Variants in ABLIM1 observed in about 807,000 individuals in gnomAD.
ABLIM1 encodes the protein actin-binding LIM protein 1.
A neutral mutation model predicts 107.0 loss-of-function variants in ABLIM1; 40 were observed. The ratio of observed to expected loss-of-function variants is 0.37; its 90% CI spans 0.29 to 0.49. The LOEUF (loss-of-function observed/expected upper bound fraction) is 0.49. Among genes scored for constraint, ABLIM1 ranks in the 20% least tolerant of loss-of-function variants. The pLI, the probability that ABLIM1 is intolerant of heterozygous loss-of-function variation, is 0.97. For synonymous variants in ABLIM1, 357 were observed against 357.3 expected, an observed-to-expected ratio of 1.00 and a Z score of 0.01; for missense variants, 857 against 1,008.5, an observed-to-expected ratio of 0.85 and a Z score of 2.04.
At chr10:114,438,065 G>C (rs1589645123) in intron 21 of ABLIM1, 141 bp from the exon 22 acceptor site, 1 of 754,294 alleles carries the variant, frequency 1.3e-6, no homozygotes, top group East Asian at 2.7e-5. Context: ...TCTTCCTTCT[G>C]CAAGGCCAGT....
intron 1 of ABLIM1, among the ~76,000 whole-genome samples, chr10:114,640,868 G>A (rs1018133525): frequency 3.3e-5 from 5 of 152,136 alleles, no homozygotes; most frequent in African/African-American, 1.2e-4. Flanking sequence ...TACCACTAAT[G>A]GCACTTTCTC....
intron 1 of ABLIM1, among the ~76,000 whole-genome samples, chr10:114,733,855 T>C (rs1465037362): frequency 1.3e-5 from 2 of 152,112 alleles, no homozygotes; most frequent in Non-Finnish European, 2.9e-5. Context: ...TTTATTTTTT[T>C]TTAATTATTA....
intron 2 of ABLIM1, among the ~76,000 whole-genome samples, chr10:114,581,442 A>G (rs924164342): frequency 7.2e-5 from 11 of 152,228 alleles, no homozygotes; most frequent in African/African-American, 2.4e-4. Context: ...AGAATGGGTC[A>G]TACCTAAAAC....
At chr10:114,616,408 C>T (rs1256199475) in intron 1 of ABLIM1, among the ~76,000 whole-genome samples, 1 of 152,206 alleles carries the variant, frequency 6.6e-6, no homozygotes, top group East Asian at 1.9e-4. Context: ...CATTAGCCAC[C>T]TCATTTCATT....
At chr10:114,539,599 AC>A (rs2066417263) in intron 6 of ABLIM1, among the ~76,000 whole-genome samples, 1 of 152,162 alleles carries the variant, frequency 6.6e-6, no homozygotes, top group Admixed American at 6.5e-5. Context: ...ACTTGATTAC[AC>A]CCACCATGAG....
chr10:114,571,271 C>T lies in ABLIM1; in HGVS notation c.673+26G>A, dbSNP rs3824819. ...TACCTCTGGACTACATAGGTATTCA[C>T]GTCAGTGGGTCACCGGGGCACTTAC... On this transcript the variant is annotated intron_variant, in intron 4 of 22. Transcript: ENST00000533213. 3,354 of 1,607,052 alleles carry T rather than the reference C, an allele frequency of 2.1e-3. 120 individuals are homozygous for T. In the East Asian group the frequency reaches 0.064, roughly 31 times the overall value.
intron 2 of ABLIM1, among the ~76,000 whole-genome samples, chr10:114,590,726 T>G (rs750119775): frequency 6.6e-6 from 1 of 152,142 alleles, no homozygotes; most frequent in East Asian, 1.9e-4. Context: ...TCATGGCAGA[T>G]AGTGGGACAT....
chr10:114,583,452 CACACACACACACACACAT>C (rs2073749305), intron 2 of ABLIM1, among the ~76,000 whole-genome samples: 3 of 26,850 alleles, frequency 1.1e-4, no homozygotes, highest in South Asian at 1.8e-3. Context: ...CACACACACA[CACACACACACACACACAT>C]ATATATATAT....
chr10:114,700,779 C>T (rs1187475861), intron 1 of ABLIM1, among the ~76,000 whole-genome samples: 1 of 151,660 alleles, frequency 6.6e-6, no homozygotes, highest in African/African-American at 2.4e-5. Context: ...ACACCATATA[C>T]AAAAATTATT....
At chr10:114,598,888 A>T (rs1239986848) in intron 2 of ABLIM1, among the ~76,000 whole-genome samples, 1 of 151,728 alleles carries the variant, frequency 6.6e-6, no homozygotes, top group Non-Finnish European at 1.5e-5. Context: ...CAGGATGTGC[A>T]GGTTTGTCAC....
rs1366115856 is a variant in ABLIM1, at chr10:114,719,813, T to A, written c.-213+48248A>T. ...CATTTTCAGAATCCCCTCTCTTTAA[T>A]CAAATATGCCTGCCTTTTCCTCCAT... On this transcript the variant is annotated intron_variant, in intron 1 of 15. Transcript: ENST00000651092. Among the ~76,000 whole-genome samples, 3 of 152,194 alleles carry A rather than the reference T, an allele frequency of 2.0e-5. No individual in the cohort carries two copies. The East Asian group carries it at 5.8e-4, about 29-fold the overall frequency.
intron 1 of ABLIM1, among the ~76,000 whole-genome samples, chr10:114,617,731 C>T (rs530832915): frequency 3.9e-5 from 6 of 152,302 alleles, no homozygotes; most frequent in South Asian, 2.1e-4. Flanking sequence ...TTGAAATTTT[C>T]GCACACTATT....
At chr10:114,773,547 C>A in the ABLIM1 span, among the ~76,000 whole-genome samples, 2 of 152,130 alleles carry the variant, frequency 1.3e-5, no homozygotes, top group Admixed American at 6.6e-5. Context: ...CACGGTGAAA[C>A]CCTGTCTCTA....
chr10:114,535,996 T>C (rs1363346542), intron 6 of ABLIM1, among the ~76,000 whole-genome samples: 1 of 152,082 alleles, frequency 6.6e-6, no homozygotes, highest in Non-Finnish European at 1.5e-5. Flanking sequence ...GAGGGATGAC[T>C]ATACTCATTG....
At chr10:114,548,201 G>A (rs776442206) in intron 4 of ABLIM1, among the ~76,000 whole-genome samples, 1 of 152,174 alleles carries the variant, frequency 6.6e-6, no homozygotes. Context: ...CACTATATAC[G>A]TGATTACTCC....
At chr10:114,493,285 C>T (rs984011120) in intron 6 of ABLIM1, among the ~76,000 whole-genome samples, 1 of 152,096 alleles carries the variant, frequency 6.6e-6, no homozygotes, top group Admixed American at 6.6e-5. Context: ...CAAGTTAGTC[C>T]GGGCAATCTC....
intron 2 of ABLIM1, among the ~76,000 whole-genome samples, chr10:114,590,747 C>A (rs2074779484): frequency 6.6e-6 from 1 of 152,120 alleles, no homozygotes; most frequent in African/African-American, 2.4e-5. Flanking sequence ...TGGGGACCTA[C>A]AGGGAAAGGA....
intron 1 of ABLIM1, among the ~76,000 whole-genome samples, chr10:114,616,078 A>C (rs960079341): frequency 6.6e-6 from 1 of 152,208 alleles, no homozygotes; most frequent in South Asian, 2.1e-4. Context: ...CACACGTGTA[A>C]TCCCAGCATT....
chr10:114,605,258 A>G (rs975600433), intron 1 of ABLIM1, among the ~76,000 whole-genome samples: 22 of 152,258 alleles, frequency 1.4e-4, no homozygotes, highest in Non-Finnish European at 2.2e-4. Flanking sequence ...TTAACTTTAT[A>G]TAACTGTCTT....
Sources: gnomAD v4.1 joint callset for allele counts (sites outside exome capture counted in the v4.1 genomes callset) on GRCh38, gnomAD v4.1.1 for gene constraint, MANE v1.5 for transcripts, NCBI Gene and HGNC (gene_info 2026-07-23, HGNC 2026-07-21) for gene names.